The following SERPINI1 variants were observed in gnomAD, a reference collection of about 807,000 sequenced individuals.
SERPINI1 encodes the protein serpin family I member 1.
Under a neutral mutation model 41.1 loss-of-function variants are expected in SERPINI1, and 19 were observed. The ratio of observed to expected loss-of-function variants is 0.46; its 90% CI spans 0.32 to 0.68. The LOEUF (loss-of-function observed/expected upper bound fraction) is 0.68. Ranked by LOEUF, SERPINI1 falls within the 30% of genes least tolerant of loss-of-function variation. The pLI is 0.03. For synonymous variants in SERPINI1, 138 were observed against 156.6 expected, an observed-to-expected ratio of 0.88 and a Z score of 0.89; for missense variants, 460 against 479.2, an observed-to-expected ratio of 0.96 and a Z score of 0.37.
chr3:167,759,400 G>GTGTATATATATATATATATATATA (rs964402772), intron 1 of SERPINI1, among the ~76,000 whole-genome samples: 55 of 121,158 alleles, frequency 4.5e-4, no homozygotes, highest in South Asian at 1.2e-3. Context: ...AGAAAATGTG[G>GTGTATATATATATATATATATATA]TATATATATA....
intron 5 of SERPINI1, among the ~76,000 whole-genome samples, chr3:167,804,952 A>G (rs879887839): frequency 6.6e-6 from 1 of 152,156 alleles, no homozygotes; most frequent in Non-Finnish European, 1.5e-5. Context: ...ATTAAGACCA[A>G]TATGGCTTGC....
Position 167,792,601 on chromosome 3 carries a change from G to A in SERPINI1, c.493G>A (p.Asp165Asn), listed in dbSNP as rs1453020878. Residue 165 changes from aspartate to asparagine, a missense_variant, in exon 4 of 9, where the codon GAT becomes AAT. Coordinates refer to ENST00000446050, the MANE Select transcript of SERPINI1 (RefSeq NM_001122752.2). ...VENNTNNLVK[D>N]LVSPRDFDAA... ...TTTTTCCTAAATAGATCTGGTGAAA[G>A]ATTTGGTATCCCCAAGGGATTTTGA... 4.3e-6 allele frequency: 7 copies of A among 1,613,262 alleles called. No individual in the cohort carries two copies. Among genetic ancestry groups the A allele is most frequent in the Non-Finnish European group, 5.9e-6 (7 of 1,179,708 alleles).
chr3:167,789,682 C>T (rs912256322), intron 2 of SERPINI1, among the ~76,000 whole-genome samples: 5 of 151,984 alleles, frequency 3.3e-5, no homozygotes, highest in Admixed American at 1.3e-4. Flanking sequence ...ACATATTTAT[C>T]GCACAAATAA....
chr3:167,815,165 C>G (rs975894555), intron 6 of SERPINI1, among the ~76,000 whole-genome samples: 1 of 152,108 alleles, frequency 6.6e-6, no homozygotes, highest in African/African-American at 2.4e-5. Flanking sequence ...TATGGCCTAG[C>G]AGGAAAGATG....
intron 6 of SERPINI1, among the ~76,000 whole-genome samples, chr3:167,813,702 T>C (rs527841289): frequency 3.9e-5 from 6 of 152,302 alleles, no homozygotes; most frequent in African/African-American, 1.4e-4. Flanking sequence ...CTAGACTATT[T>C]GTTTACATAC....
intron 6 of SERPINI1, among the ~76,000 whole-genome samples, chr3:167,817,193 C>A (rs1207301256): frequency 6.6e-6 from 1 of 152,190 alleles, no homozygotes; most frequent in African/African-American, 2.4e-5. Context: ...CACACTGTAA[C>A]ATCCATTGAA....
intron 1 of SERPINI1, among the ~76,000 whole-genome samples, chr3:167,772,956 AT>A (rs1726837324): frequency 1.1e-5 from 1 of 94,198 alleles, no homozygotes; most frequent in African/African-American, 4.9e-5. Flanking sequence ...ACACATATAT[AT>A]GTATATGTGT....
chr3:167,779,851 G>A (rs1727067156), intron 1 of SERPINI1, among the ~76,000 whole-genome samples: 1 of 152,100 alleles, frequency 6.6e-6, no homozygotes, highest in South Asian at 2.1e-4. Flanking sequence ...AAGTTAAGAG[G>A]TATGGGAAGG....
At chr3:167,809,253 C>T (rs902338662) in intron 6 of SERPINI1, among the ~76,000 whole-genome samples, 2 of 152,170 alleles carry the variant, frequency 1.3e-5, no homozygotes, top group Admixed American at 6.6e-5. Context: ...CATTGTCATT[C>T]TCTCTTCTTT....
intron 1 of SERPINI1, among the ~76,000 whole-genome samples, chr3:167,788,468 G>A (rs1727385385): frequency 6.6e-6 from 1 of 152,114 alleles, no homozygotes; most frequent in Non-Finnish European, 1.5e-5. Flanking sequence ...CTTTGGTAGG[G>A]GGCTCCTCCC....
chr3:167,779,919 G>T (rs1727068590), intron 1 of SERPINI1, among the ~76,000 whole-genome samples: 1 of 152,022 alleles, frequency 6.6e-6, no homozygotes, highest in Admixed American at 6.6e-5. Context: ...AAGGAGAAAG[G>T]ATTAAATCAT....
chr3:167,769,392 G>T (rs1240177668), intron 1 of SERPINI1, among the ~76,000 whole-genome samples: 3 of 152,118 alleles, frequency 2.0e-5, no homozygotes, highest in Admixed American at 2.0e-4. Context: ...CTAGGGTAGG[G>T]ATTACATACT....
chr3:167,809,206 A>G (rs1220069216), intron 6 of SERPINI1, among the ~76,000 whole-genome samples: 3 of 152,202 alleles, frequency 2.0e-5, no homozygotes. Flanking sequence ...TACCTGAGTC[A>G]GAAATATATT....
intron 1 of SERPINI1, among the ~76,000 whole-genome samples, chr3:167,783,316 G>A (rs1387258236): frequency 6.6e-6 from 1 of 152,070 alleles, no homozygotes; most frequent in Non-Finnish European, 1.5e-5. Context: ...AGATGGAGGG[G>A]AGTCAAATGC....
intron 1 of SERPINI1, among the ~76,000 whole-genome samples, chr3:167,738,039 A>G (rs1032380016): frequency 1.1e-4 from 17 of 152,126 alleles, no homozygotes; most frequent in African/African-American, 3.9e-4. Flanking sequence ...CTCTTGATTC[A>G]TGTTAGTTAA....
intron 5 of SERPINI1, among the ~76,000 whole-genome samples, chr3:167,796,693 C>A (rs1019509045): frequency 6.6e-6 from 1 of 152,158 alleles, no homozygotes; most frequent in East Asian, 1.9e-4. Flanking sequence ...GATCTCATTC[C>A]TTTTTATGGC....
intron 1 of SERPINI1, among the ~76,000 whole-genome samples, chr3:167,769,410 C>T (rs980335299): frequency 2.0e-5 from 3 of 152,160 alleles, no homozygotes; most frequent in Admixed American, 6.5e-5. Flanking sequence ...ACTTCTGCCC[C>T]TCCGAGTTAA....
In SERPINI1 at chr3:167,740,464, C is replaced by A. The variant is rs1725643632; in HGVS notation, c.-19+4641C>A. On this transcript the variant is annotated intron_variant, in intron 1 of 8. Coordinates refer to ENST00000446050, the MANE Select transcript of SERPINI1 (RefSeq NM_001122752.2). The stretch of plus-strand genomic sequence containing the variant: ...GACGTTTGTATTCATTTTGAGAATC[C>A]TTTTACATAGTTCATACTTGGTAAG... Among the ~76,000 whole-genome samples the A allele has an allele frequency of 2.0e-5, 3 of 152,220 alleles. No individual in the cohort carries two copies. The South Asian group carries it at 6.2e-4, about 32-fold the overall frequency.
intron 1 of SERPINI1, among the ~76,000 whole-genome samples, chr3:167,772,864 C>CTCTCTCTCTATATATA (rs1374013676): frequency 1.4e-3 from 35 of 24,600 alleles, no homozygotes; most frequent in Non-Finnish European, 1.5e-3. Context: ...CTCTCTCTCT[C>CTCTCTCTCTATATATA]TATATATATA....
Sources: allele counts gnomAD v4.1 joint callset (sites outside exome capture counted in the v4.1 genomes callset), GRCh38; gene constraint gnomAD v4.1.1; transcripts MANE v1.5; gene names NCBI Gene and HGNC (gene_info 2026-07-23, HGNC 2026-07-21).